CTNNA2: variants seen among roughly 807,000 people sequenced by gnomAD.
CTNNA2 encodes catenin alpha-2.
A neutral mutation model predicts 101.0 loss-of-function variants in CTNNA2; 42 were observed. The observed-to-expected ratio is 0.42, with a 90% CI of 0.32 to 0.54. The LOEUF is 0.54. Ranked by LOEUF, CTNNA2 falls within the 20% of genes least tolerant of loss-of-function variation. CTNNA2 has a pLI of 0.14. For synonymous variants in CTNNA2, 450 were observed against 456.4 expected (o/e 0.99, Z 0.18); for missense variants, 871 against 1,223.1 (o/e 0.71, Z 4.29).
intron 7 of CTNNA2, among the ~76,000 whole-genome samples, chr2:80,294,434 C>T (rs951207685): frequency 5.9e-5 from 9 of 151,942 alleles, no homozygotes; most frequent in African/African-American, 1.5e-4. Flanking sequence ...ATGTAGCCCA[C>T]GTAACCTGAC....
intron 4 of CTNNA2, among the ~76,000 whole-genome samples, chr2:79,479,547 T>C (rs1430989940): frequency 6.6e-6 from 1 of 152,192 alleles, no homozygotes; most frequent in Non-Finnish European, 1.5e-5. Flanking sequence ...CTCTCAGAAC[T>C]CTCTAGACAA....
Position 79,413,602 on chromosome 2 carries a change from T to C in CTNNA2, c.-135+39589T>C, listed in dbSNP as rs973153270. On this transcript the variant is annotated intron_variant, in intron 4 of 21. Coordinates refer to the CTNNA2 transcript ENST00000466387. The stretch of plus-strand genomic sequence containing the variant: ...CTAGAAGTGGAATTGCTGAGTCACA[T>C]AGTAGTTCTATTTTTAATTTTTTGA... Among the ~76,000 whole-genome samples the C allele has an allele frequency of 3.9e-5, 6 of 152,098 alleles. No individual in the cohort carries two copies. The South Asian group carries it at 1.2e-3, about 31-fold the overall frequency.
At chr2:80,270,756 CAGA>C (rs1357600627) in intron 7 of CTNNA2, among the ~76,000 whole-genome samples, 2 of 152,140 alleles carry the variant, frequency 1.3e-5, no homozygotes, top group Non-Finnish European at 1.5e-5. Flanking sequence ...TCTGAGACTT[CAGA>C]AGAAGATTTT....
At chr2:79,476,870 G>A (rs1352032722) in intron 4 of CTNNA2, among the ~76,000 whole-genome samples, 1 of 152,154 alleles carries the variant, frequency 6.6e-6, no homozygotes, top group Non-Finnish European at 1.5e-5. Flanking sequence ...CAGAAGACAG[G>A]TGGGAAATTT....
chr2:80,323,473 C>T (rs565257170), intron 7 of CTNNA2, among the ~76,000 whole-genome samples: 1 of 152,136 alleles, frequency 6.6e-6, no homozygotes, highest in Admixed American at 6.5e-5. Context: ...TTCCTCCCTC[C>T]CCCAACGTTT....
chr2:79,873,368 A>G (rs1682738329), intron 5 of CTNNA2, among the ~76,000 whole-genome samples: 1 of 152,200 alleles, frequency 6.6e-6, no homozygotes, highest in South Asian at 2.1e-4. Flanking sequence ...CTAAAGAGCC[A>G]CTGAATAAGA....
intron 7 of CTNNA2, among the ~76,000 whole-genome samples, chr2:79,914,239 T>C (rs1686028167): frequency 6.6e-6 from 1 of 151,300 alleles, no homozygotes; most frequent in South Asian, 2.1e-4. Flanking sequence ...ACAGATTGCA[T>C]TTGAAAGGGG....
At chr2:79,371,668 C>A (rs1284076491) in intron 3 of CTNNA2, among the ~76,000 whole-genome samples, 1 of 152,084 alleles carries the variant, frequency 6.6e-6, no homozygotes, top group Non-Finnish European at 1.5e-5. Flanking sequence ...CTAGGTCTTC[C>A]TAGAGTGAAC....
intron 12 of CTNNA2, among the ~76,000 whole-genome samples, chr2:80,557,581 A>T (rs114623513): frequency 1.3e-5 from 2 of 152,170 alleles, no homozygotes; most frequent in African/African-American, 2.4e-5. Flanking sequence ...CTGCCCACTC[A>T]TGACTGGTGG....
chr2:79,358,620 C>T (rs539159343), intron 3 of CTNNA2, among the ~76,000 whole-genome samples: 25 of 152,286 alleles, frequency 1.6e-4, no homozygotes, highest in East Asian at 9.6e-4. Flanking sequence ...CACATAGAAT[C>T]GGTAAAGCAG....
chr2:79,925,886 T>C (rs1686985889), intron 7 of CTNNA2, among the ~76,000 whole-genome samples: 1 of 152,128 alleles, frequency 6.6e-6, no homozygotes, highest in Non-Finnish European at 1.5e-5. Flanking sequence ...ACTTTTTTTT[T>C]TTCTGAAATA....
At chr2:79,727,213 C>G (rs1686900150) in intron 2 of CTNNA2, among the ~76,000 whole-genome samples, 9 of 152,272 alleles carry the variant, frequency 5.9e-5, no homozygotes, top group Admixed American at 4.6e-4. Flanking sequence ...TGTAATTAAG[C>G]TAATTTAGTG....
At chr2:80,014,960 G>A (rs888007208) in intron 7 of CTNNA2, among the ~76,000 whole-genome samples, 4 of 152,096 alleles carry the variant, frequency 2.6e-5, no homozygotes, top group Non-Finnish European at 5.9e-5. Context: ...CCATGATGTG[G>A]GGTGGTCAAA....
At chr2:80,281,695 T>C (rs1674393594) in intron 7 of CTNNA2, among the ~76,000 whole-genome samples, 1 of 152,048 alleles carries the variant, frequency 6.6e-6, no homozygotes, top group Non-Finnish European at 1.5e-5. Flanking sequence ...TTGAAACAAA[T>C]CAACACTATG....
At chr2:80,026,089 A>G (rs903767445) in intron 7 of CTNNA2, among the ~76,000 whole-genome samples, 1 of 152,170 alleles carries the variant, frequency 6.6e-6, no homozygotes. Context: ...TTCTTGGGGA[A>G]GATCTCACTA....
chr2:80,195,026 C>G (rs1200031324), intron 7 of CTNNA2, among the ~76,000 whole-genome samples: 3 of 152,088 alleles, frequency 2.0e-5, no homozygotes, highest in Admixed American at 2.0e-4. Flanking sequence ...TTTTAATTTC[C>G]TTGAGAACAA....
At chr2:79,565,238 T>C (rs946133587) in intron 1 of CTNNA2, among the ~76,000 whole-genome samples, 1 of 115,056 alleles carries the variant, frequency 8.7e-6, no homozygotes. Context: ...ATTGAATTTA[T>C]TGGGTGAAAA....
rs112521595 is a variant in CTNNA2 at position 79,579,984 on chromosome 2, A to G, written c.-6+66777A>G. On this transcript the variant is annotated intron_variant, in intron 1 of 18. Transcript: ENST00000402739. ...AGACCATCTGACACTGAAAAAGGAA[A>G]ATTTAATGGCAAATGCTCTTCTCTT... Among the ~76,000 whole-genome samples, 768 of 152,158 alleles carry G rather than the reference A, an allele frequency of 5.0e-3. 2 individuals are homozygous for G. The highest frequency in any genetic ancestry group is 8.3e-3 in the Non-Finnish European group (568 of 68,024).
intron 15 of CTNNA2, among the ~76,000 whole-genome samples, chr2:80,592,054 T>C (rs1466513641): frequency 1.3e-5 from 2 of 152,156 alleles, no homozygotes; most frequent in Non-Finnish European, 2.9e-5. Context: ...GGCGTGCAGA[T>C]AGCAACAGCT....
Sources: allele counts gnomAD v4.1 joint callset (sites outside exome capture counted in the v4.1 genomes callset), GRCh38; gene constraint gnomAD v4.1.1; transcripts MANE v1.5; gene names NCBI Gene and HGNC (gene_info 2026-07-23, HGNC 2026-07-21).